The following HNRNPH1 variants were observed in gnomAD, a reference collection of about 807,000 sequenced individuals.
HNRNPH1 encodes heterogeneous nuclear ribonucleoprotein H1, also known as heterogeneous nuclear ribonucleoprotein H.
In HNRNPH1, 4 loss-of-function variants were observed where a neutral mutation model predicts 58.6. The ratio of observed to expected loss-of-function variants is 0.07; its 90% CI spans 0.03 to 0.16. HNRNPH1 has a LOEUF of 0.16. Ranked by LOEUF, HNRNPH1 falls within the 10% of genes least tolerant of loss-of-function variation. HNRNPH1 has a pLI of 1.00. For missense variants in HNRNPH1, 271 were observed against 564.2 expected (o/e 0.48, Z 5.26); for synonymous variants, 192 against 189.2 (o/e 1.01, Z -0.12).
chr5:179,623,536 G>C (rs950567550), exon 1 of HNRNPH1: 2 of 173,220 alleles, frequency 1.2e-5, no homozygotes, highest in Admixed American at 1.2e-4. Context: ...GCTCGCCAAG[G>C]TCCCCGTGGC....
At chr5:179,616,836 G>T in intron 10 of HNRNPH1, 33 bp downstream of exon 11, 1 of 1,541,482 alleles carries the variant, frequency 6.5e-7, no homozygotes, top group Non-Finnish European at 9.0e-7. Context: ...AGATATAAAC[G>T]TTTTGGTTTT....
intron 7 of HNRNPH1, 73 bp from the exon 9 acceptor site, chr5:179,617,722 T>C (rs889536500): frequency 2.8e-5 from 45 of 1,603,312 alleles, no homozygotes; most frequent in African/African-American, 5.4e-5. Flanking sequence ...ATTTCTAACA[T>C]AGTGCTCACA....
rs1283106341 is a variant in HNRNPH1, at chr5:179,614,965, A to G, written c.*1-6T>C. ...GTTCACTGCTCCTTGGTTACCTGCA[A>G]AGAGATCAATTTGACAAGTTAGGAG... On this transcript the variant is annotated splice_region_variant and splice_polypyrimidine_tract_variant and intron_variant, in intron 12 of 12. Coordinates refer to ENST00000356731, the Ensembl canonical transcript of HNRNPH1. The G allele has an allele frequency of 6.7e-7, 1 of 1,488,080 alleles. No homozygotes were observed. Among genetic ancestry groups the G allele is most frequent in the Admixed American group, 2.0e-5 (1 of 50,894 alleles). 92.2% of individuals were successfully genotyped at this position (1,488,080 alleles called of 1,614,324 possible). A position where few individuals can be genotyped will look rare whatever the true frequency, so the allele number is the denominator to read the frequency against.
Position 179,616,231 on chromosome 5 carries a change from G to T in HNRNPH1, c.1208-13C>A. 3.7e-6 allele frequency: 6 copies of T among 1,603,144 alleles called. No homozygotes were observed. The highest frequency in any genetic ancestry group is 5.1e-6 in the Non-Finnish European group (6 of 1,170,348). Reference sequence around the variant, plus strand: ...CTGGACTGGTTTGCTGTTAAGTTAAGAAAACATTAGAACCTTTTTTCTTAT... The same window carrying T: ...CTGGACTGGTTTGCTGTTAAGTTAATAAAACATTAGAACCTTTTTTCTTAT... On this transcript the variant is annotated splice_polypyrimidine_tract_variant and intron_variant, in intron 10 of 12. Transcript: ENST00000356731.
chr5:179,615,201 C>A, intron 12 of HNRNPH1: 1 of 436,644 alleles, frequency 2.3e-6, no homozygotes, highest in Non-Finnish European at 4.1e-6. Flanking sequence ...TCAGGATCAA[C>A]ATGAAAAATT....
At chr5:179,615,204 G>A (rs1302452524) in intron 12 of HNRNPH1, 1 of 432,600 alleles carries the variant, frequency 2.3e-6, no homozygotes, top group Non-Finnish European at 4.1e-6. Flanking sequence ...GGATCAACAT[G>A]AAAAATTAAG....
Position 179,617,984 on chromosome 5 carries a change from C to G in HNRNPH1, c.787+5G>C. On this transcript the variant is annotated splice_donor_5th_base_variant and intron_variant, in intron 6 of 12. Transcript: ENST00000356731. ...TTCAACTGAGAAATTCAATTCTTAC[C>G]TTACCTCTTCCAAATCTATCTGACC... The G allele has an allele frequency of 1.2e-6, 2 of 1,614,080 alleles. No homozygotes were observed. The highest frequency in any genetic ancestry group is 1.7e-6 in the Non-Finnish European group (2 of 1,179,932).
intron 2 of HNRNPH1, among the ~76,000 whole-genome samples, chr5:179,633,560 C>T (rs1775025165): frequency 6.7e-6 from 1 of 149,364 alleles, no homozygotes; most frequent in South Asian, 2.1e-4. Flanking sequence ...GATCCACCTG[C>T]CTTGGCCTCC....
At chr5:179,628,632 G>A (rs541811529), upstream of HNRNPH1, among the ~76,000 whole-genome samples, 2 of 152,208 alleles carry the variant, frequency 1.3e-5, no homozygotes, top group African/African-American at 4.8e-5. Flanking sequence ...CACCTGGCCA[G>A]GAATGTGTTT....
intron 1 of HNRNPH1, 146 bp from the exon 3 acceptor site, chr5:179,621,543 A>T (rs1044550730): frequency 1.6e-6 from 1 of 637,290 alleles, no homozygotes; most frequent in African/African-American, 1.8e-5. Flanking sequence ...ACCAACTCCT[A>T]AAACTCCAAT....
chr5:179,623,225 C>T (rs1174139076), exon 1 of HNRNPH1: 2 of 883,686 alleles, frequency 2.3e-6, no homozygotes, highest in Non-Finnish European at 3.5e-6. Flanking sequence ...GCCTCCGAGG[C>T]GCGCCCGGGC....
Position 179,621,236 on chromosome 5 carries a change from T to C in HNRNPH1, c.253+6A>G, listed in dbSNP as rs1772178269. ...TTTACTGTAACTAGGGCAATGTAAA[T>C]CAAACCTTCAACATATCTGTGTCCC... On this transcript the variant is annotated splice_donor_region_variant and intron_variant, in intron 2 of 12. Coordinates refer to ENST00000356731, the Ensembl canonical transcript of HNRNPH1. The C allele has an allele frequency of 1.2e-6, 2 of 1,612,862 alleles. No individual in the cohort carries two copies. The highest frequency in any genetic ancestry group is 1.7e-6 in the Non-Finnish European group (2 of 1,178,906).
At chr5:179,620,614 T>C (rs761938305) in intron 3 of HNRNPH1, 12 of 338,150 alleles carry the variant, frequency 3.5e-5, no homozygotes, top group South Asian at 1.8e-4. Flanking sequence ...TGGACACCAA[T>C]GTGAGGAAAG....
At chr5:179,621,496 A>C (rs746435776) in intron 1 of HNRNPH1, 99 bp from the exon 3 acceptor site, 3 of 1,015,098 alleles carry the variant, frequency 3.0e-6, no homozygotes, top group Non-Finnish European at 4.4e-6. Flanking sequence ...TACAAATTAC[A>C]TAACTTGTGA....
At chr5:179,622,768 AAAC>A (rs1484442180) in intron 1 of HNRNPH1, 1 of 152,224 alleles carries the variant, frequency 6.6e-6, no homozygotes, top group Non-Finnish European at 1.5e-5. Flanking sequence ...TAGGTAAAGA[AAAC>A]AAAGTCTGCC....
rs1206550974 is a variant in HNRNPH1 at position 179,616,793 on chromosome 5, A to G, written c.1207+76T>C. 3 of 1,249,476 alleles carry G rather than the reference A, an allele frequency of 2.4e-6. No individual in the cohort carries two copies. In the African/African-American group the frequency reaches 4.6e-5, roughly 19 times the overall value. The allele number at this position is 1,249,476 out of a possible 1,614,324, so 77.4% of individuals were successfully genotyped here. ...TTTCTTATGCTAAACTTATTAAATA[A>G]ATAGATTAACTTAACTTATAATTGA... On this transcript the variant is annotated intron_variant, in intron 10 of 12. Transcript: ENST00000356731.
At chr5:179,623,205 G>A (rs1030600566) in exon 1 of HNRNPH1, 3 of 1,144,482 alleles carry the variant, frequency 2.6e-6, no homozygotes, top group African/African-American at 1.6e-5. Flanking sequence ...CGCCAATTAA[G>A]CTGTCCTTCG....
chr5:179,621,176 C>T, intron 2 of HNRNPH1, 66 bp downstream of exon 3: 1 of 1,536,836 alleles, frequency 6.5e-7, no homozygotes, highest in Non-Finnish European at 9.0e-7. Context: ...ACCTAAAATT[C>T]AGAAGGGGTG....
chr5:179,625,236 G>A (rs761084283), upstream of HNRNPH1, among the ~76,000 whole-genome samples: 31 of 152,218 alleles, frequency 2.0e-4, no homozygotes, highest in South Asian at 8.3e-4. Flanking sequence ...TGGCTCACTC[G>A]TGTAATACCA....
Sources: gnomAD v4.1 joint callset for allele counts (sites outside exome capture counted in the v4.1 genomes callset) on GRCh38, gnomAD v4.1.1 for gene constraint, MANE v1.5 for transcripts, NCBI Gene and HGNC (gene_info 2026-07-23, HGNC 2026-07-21) for gene names.